Variants in FXYD6 observed in about 807,000 individuals in gnomAD.
FXYD6 encodes FXYD domain containing ion transport regulator 6, also known as FXYD domain-containing ion transport regulator 6.
Under a neutral mutation model 16.7 loss-of-function variants are expected in FXYD6, and 7 were observed. That is an observed-to-expected ratio of 0.42 (90% CI 0.24 to 0.79). FXYD6 has a LOEUF of 0.79. FXYD6 is among the 30% of genes least tolerant of loss of function. The pLI, the probability that FXYD6 is intolerant of heterozygous loss-of-function variation, is 0.28. For synonymous variants in FXYD6, 49 were observed against 43.0 expected, an observed-to-expected ratio of 1.14 and a Z score of -0.54; for missense variants, 111 against 116.2, an observed-to-expected ratio of 0.95 and a Z score of 0.21.
chr11:117,873,879 T>C (rs750004692), intron 1 of FXYD6, among the ~76,000 whole-genome samples: 18 of 152,134 alleles, frequency 1.2e-4, no homozygotes, highest in South Asian at 2.1e-4. Context: ...GGCTCCTCGG[T>C]TGTACCCGCC....
intron 1 of FXYD6, 103 bp from the exon 2 acceptor site, chr11:117,842,884 G>T: frequency 1.6e-6 from 2 of 1,218,650 alleles, no homozygotes; most frequent in Non-Finnish European, 2.3e-6. Flanking sequence ...CCCCAGCTTT[G>T]CTCTGCACTC....
In FXYD6 at chr11:117,841,114, C is replaced by G. The variant is rs752937057; in HGVS notation, c.209+34G>C. On this transcript the variant is annotated intron_variant, in intron 5 of 7. Coordinates refer to ENST00000526014, the MANE Select transcript of FXYD6 (RefSeq NM_022003.4). ...GGTCCCTTCCTGTCCCACCTAGTAT[C>G]ACCCCCCCAAGGCCACTGCCACGGC... is the stretch of plus-strand genomic sequence containing the variant. 26 of 1,613,688 alleles carry G rather than the reference C, an allele frequency of 1.6e-5. No individual in the cohort carries two copies. The Admixed American group carries it at 4.3e-4, about 27-fold the overall frequency.
intron 1 of FXYD6, among the ~76,000 whole-genome samples, chr11:117,866,072 A>G (rs1345738513): frequency 1.3e-5 from 2 of 152,148 alleles, no homozygotes; most frequent in African/African-American, 4.8e-5. Flanking sequence ...TTCCACTCAT[A>G]TGAGGCACGT....
intron 1 of FXYD6, among the ~76,000 whole-genome samples, chr11:117,860,422 C>G (rs573705998): frequency 6.6e-6 from 1 of 152,358 alleles, no homozygotes; most frequent in South Asian, 2.1e-4. Flanking sequence ...GGGGCTCCCG[C>G]ATCTGGATGA....
chr11:117,851,249 T>A (rs1277934231), intron 1 of FXYD6, among the ~76,000 whole-genome samples: 1 of 151,796 alleles, frequency 6.6e-6, no homozygotes, highest in Non-Finnish European at 1.5e-5. Flanking sequence ...ACTTTCGATA[T>A]GAGGTTATAA....
chr11:117,870,232 G>T lies in FXYD6; in HGVS notation c.-6+6360C>A, dbSNP rs1040627215. 6.6e-6 allele frequency among the ~76,000 whole-genome samples: 1 copy of T among 152,274 alleles called. No individual in the cohort carries two copies. Among genetic ancestry groups the T allele is most frequent in the South Asian group, 2.1e-4 (1 of 4,836 alleles). Reference sequence around the variant, plus strand: ...CCTCCTGCCTGCCAGCACAGGGGCTGAGGCCCCTCTGGTTCCCCAGGAGAT... The same window carrying T: ...CCTCCTGCCTGCCAGCACAGGGGCTTAGGCCCCTCTGGTTCCCCAGGAGAT... On this transcript the variant is annotated intron_variant, in intron 1 of 7. Transcript: ENST00000526014. The surrounding 1 kb of genome is among the most constrained non-coding windows in gnomAD (Gnocchi z 4.2).
intron 1 of FXYD6, among the ~76,000 whole-genome samples, chr11:117,846,181 A>C (rs914740645): frequency 6.6e-6 from 1 of 152,192 alleles, no homozygotes; most frequent in Non-Finnish European, 1.5e-5. Flanking sequence ...ACTGTAATAG[A>C]GCTGGACTTT....
At chr11:117,852,867 C>T (rs1378675260) in intron 1 of FXYD6, among the ~76,000 whole-genome samples, 1 of 152,134 alleles carries the variant, frequency 6.6e-6, no homozygotes, top group African/African-American at 2.4e-5. Flanking sequence ...ATTTGTTTTC[C>T]ATTTTCTGAC....
At position 117,846,037 on chromosome 11, in the gene FXYD6, C is replaced by G. The variant is rs555859319; in HGVS notation, c.-5-3256G>C. ...GATTTAAAATTGTTTCCACAGTGGT[C>G]ATCTCCATGATAATATCCCACCAGC... is the stretch of plus-strand genomic sequence containing the variant. On this transcript the variant is annotated intron_variant, in intron 1 of 7. Transcript: ENST00000526014. Among the ~76,000 whole-genome samples, 5 of 152,320 alleles carry G rather than the reference C, an allele frequency of 3.3e-5. No homozygotes were observed. The East Asian group carries it at 5.8e-4, about 18-fold the overall frequency.
At chr11:117,862,156 G>A (rs1016584300) in intron 1 of FXYD6, among the ~76,000 whole-genome samples, 2 of 152,258 alleles carry the variant, frequency 1.3e-5, no homozygotes, top group Admixed American at 6.5e-5. Flanking sequence ...CGAGACGGGA[G>A]AGGCTGGCCC....
At chr11:117,869,498 C>T (rs2057088010) in intron 1 of FXYD6, among the ~76,000 whole-genome samples, 2 of 152,204 alleles carry the variant, frequency 1.3e-5, no homozygotes, top group Admixed American at 1.3e-4. Flanking sequence ...TCGTCAGGTA[C>T]CCTGGACTCA....
At chr11:117,850,172 G>A (rs919203923) in intron 1 of FXYD6, among the ~76,000 whole-genome samples, 10 of 151,536 alleles carry the variant, frequency 6.6e-5, no homozygotes, top group African/African-American at 1.2e-4. Flanking sequence ...TTGGGGAGGC[G>A]GATTTGAGAG....
intron 1 of FXYD6, among the ~76,000 whole-genome samples, chr11:117,860,504 T>A (rs1443596873): frequency 3.3e-5 from 5 of 152,206 alleles, no homozygotes; most frequent in Admixed American, 3.3e-4. Flanking sequence ...GAATGTACAA[T>A]CCTGCCAGCT....
At chr11:117,858,506 C>T (rs898692352) in intron 1 of FXYD6, among the ~76,000 whole-genome samples, 13 of 152,130 alleles carry the variant, frequency 8.5e-5, no homozygotes, top group African/African-American at 3.1e-4. Flanking sequence ...CTCAGCCTCA[C>T]ACCCCCAACT....
At chr11:117,848,825 T>C (rs2056538134) in intron 1 of FXYD6, among the ~76,000 whole-genome samples, 1 of 152,246 alleles carries the variant, frequency 6.6e-6, no homozygotes, top group African/African-American at 2.4e-5. Context: ...TGCCTGTTTT[T>C]TTCATTCCTA....
At position 117,840,226 on chromosome 11, in the gene FXYD6, T is replaced by TGGCTGTAGCGA. The variant is rs368432536; in HGVS notation, c.259+92_259+93insTCGCTACAGCC. The TGGCTGTAGCGA allele has an allele frequency of 5.6e-4, 867 of 1,540,268 alleles. 12 individuals are homozygous for TGGCTGTAGCGA. The African/African-American group carries it at 0.01, about 18-fold the overall frequency. On this transcript the variant is annotated intron_variant, in intron 6 of 7. Coordinates refer to ENST00000526014, the MANE Select transcript of FXYD6 (RefSeq NM_022003.4). ...CTGGCACTGCGGGAGCATGTCTGGC[T>TGGCTGTAGCGA]GGCCATGCACCTGGCAACAGTCCCT...
intron 1 of FXYD6, among the ~76,000 whole-genome samples, chr11:117,875,186 G>A (rs1591602137): frequency 6.6e-6 from 1 of 152,048 alleles, no homozygotes; most frequent in East Asian, 1.9e-4. Flanking sequence ...CGGTATATAT[G>A]CGGTGTGTTT....
chr11:117,861,441 C>T (rs936977416), intron 1 of FXYD6, among the ~76,000 whole-genome samples: 3 of 152,238 alleles, frequency 2.0e-5, no homozygotes, highest in African/African-American at 7.2e-5. Context: ...TGTGTTCCCA[C>T]ACCAGAGGGC....
rs938064924 is a variant in FXYD6 at position 117,838,229 on chromosome 11, A to G, written c.*70T>C. 10 of 702,506 alleles carry G rather than the reference A, an allele frequency of 1.4e-5. No homozygotes were observed. The African/African-American group carries it at 1.7e-4, about 12-fold the overall frequency. The allele number at this position is 702,506 out of a possible 1,614,324, so 43.5% of individuals were successfully genotyped here. Reference sequence around the variant, plus strand: ...GCTGAAGTGGCCGGTTTTCTTAAGCATCGACATTTGCATCCAAAGGTTCAA... The same window carrying G: ...GCTGAAGTGGCCGGTTTTCTTAAGCGTCGACATTTGCATCCAAAGGTTCAA... On this transcript the variant is annotated 3_prime_UTR_variant, in exon 8 of 8. Transcript: ENST00000526014.
Sources: gnomAD v4.1 joint callset for allele counts (sites outside exome capture counted in the v4.1 genomes callset) on GRCh38, gnomAD v4.1.1 for gene constraint, Gnocchi (gnomAD v3.1) non-coding constraint, MANE v1.5 for transcripts, NCBI Gene and HGNC (gene_info 2026-07-23, HGNC 2026-07-21) for gene names.